ASTN1: variants seen among roughly 807,000 people sequenced by gnomAD.
ASTN1 encodes astrotactin 1, also known as astrotactin-1.
ASTN1 carries 41 observed loss-of-function variants against 140.7 expected under a neutral mutation model. The observed-to-expected ratio is 0.29, with a 90% CI of 0.23 to 0.38. The LOEUF is 0.38. ASTN1 is among the 10% of genes least tolerant of loss of function. ASTN1 has a pLI of 1.00. For missense variants in ASTN1, 1,479 were observed against 1,678.8 expected (o/e 0.88, Z 2.08); for synonymous variants, 640 against 652.2 (o/e 0.98, Z 0.29).
chr1:176,907,746 G>A (rs567320428), intron 16 of ASTN1, among the ~76,000 whole-genome samples: 1 of 152,314 alleles, frequency 6.6e-6, no homozygotes, highest in South Asian at 2.1e-4. Context: ...ACAGAACACA[G>A]GGAGGGGCAG....
Position 176,980,078 on chromosome 1 carries a change from A to T in ASTN1, c.1524-14841T>A, listed in dbSNP as rs1295984281. Among the ~76,000 whole-genome samples the T allele has an allele frequency of 3.3e-5, 5 of 152,312 alleles. No individual in the cohort carries two copies. In the East Asian group the frequency reaches 5.8e-4, roughly 18 times the overall value. On this transcript the variant is annotated intron_variant, in intron 8 of 22. Coordinates refer to ENST00000361833, the MANE Select transcript of ASTN1 (RefSeq NM_004319.3). Reference sequence around the variant, plus strand: ...GGATCACTTGACATTTGAATAAGGGATAGAGGATGTGTAGGTATGACCATA... The same window carrying T: ...GGATCACTTGACATTTGAATAAGGGTTAGAGGATGTGTAGGTATGACCATA...
intron 15 of ASTN1, among the ~76,000 whole-genome samples, chr1:176,935,227 T>C (rs892018265): frequency 6.6e-6 from 1 of 152,210 alleles, no homozygotes; most frequent in Non-Finnish European, 1.5e-5. Flanking sequence ...AGACCTCAGG[T>C]GCTGAGATCC....
rs1670845721 is a variant in ASTN1 at position 176,923,881 on chromosome 1, G to C, written c.2671+10271C>G. Among the ~76,000 whole-genome samples, 3 of 152,178 alleles carry C rather than the reference G, an allele frequency of 2.0e-5. No homozygotes were observed. In the South Asian group the frequency reaches 6.2e-4, roughly 32 times the overall value. On this transcript the variant is annotated intron_variant, in intron 16 of 22. Transcript: ENST00000361833. ...AGTTCAGATTCTCACATCTGATGTA[G>C]AATCTTCCCTTCCCTTATCCTTTAT...
At chr1:176,969,291 T>C (rs1407321814) in intron 8 of ASTN1, among the ~76,000 whole-genome samples, 1 of 152,196 alleles carries the variant, frequency 6.6e-6, no homozygotes, top group East Asian at 1.9e-4. Context: ...TCTCAGACTA[T>C]GGACTTCATT....
At chr1:177,021,493 T>G (rs1363576991) in intron 7 of ASTN1, among the ~76,000 whole-genome samples, 1 of 152,210 alleles carries the variant, frequency 6.6e-6, no homozygotes, top group African/African-American at 2.4e-5. Flanking sequence ...CTGACATGTC[T>G]GGGGAAATTA....
chr1:176,968,495 C>T (rs1672983278), intron 8 of ASTN1, among the ~76,000 whole-genome samples: 1 of 152,198 alleles, frequency 6.6e-6, no homozygotes, highest in African/African-American at 2.4e-5. Flanking sequence ...ACTTCCCACC[C>T]AGTGGTCACT....
At position 176,936,404 on chromosome 1, in the gene ASTN1, T is replaced by C. The variant is rs1446854410; in HGVS notation, c.2378-34A>G. 3.9e-6 allele frequency: 6 copies of C among 1,543,024 alleles called. No individual in the cohort carries two copies. The East Asian group carries it at 9.0e-5, about 23-fold the overall frequency. On this transcript the variant is annotated intron_variant, in intron 14 of 22. Transcript: ENST00000361833. ...AGAAGAGATGTAAGCTGAGTTCTGATACTGATTCATAAGTTCCAAATCAAA... is the reference window on the plus strand; with the variant it reads ...AGAAGAGATGTAAGCTGAGTTCTGACACTGATTCATAAGTTCCAAATCAAA...
chr1:177,128,377 G>A (rs1025349599), intron 1 of ASTN1, among the ~76,000 whole-genome samples: 2 of 152,116 alleles, frequency 1.3e-5, no homozygotes, highest in African/African-American at 4.8e-5. Flanking sequence ...TTGCTTAATT[G>A]AATCAAAATT....
At chr1:177,131,858 G>A (rs1166515087) in intron 1 of ASTN1, among the ~76,000 whole-genome samples, 10 of 152,148 alleles carry the variant, frequency 6.6e-5, no homozygotes, top group Admixed American at 6.5e-4. Flanking sequence ...CGGTGAGAGA[G>A]GAAGCCAGGG....
intron 1 of ASTN1, among the ~76,000 whole-genome samples, chr1:177,132,040 A>G (rs1681968457): frequency 6.6e-6 from 1 of 152,182 alleles, no homozygotes; most frequent in African/African-American, 2.4e-5. Context: ...AAATTTCAGC[A>G]TGAGGTTTGG....
At chr1:177,015,200 C>T (rs1161298383) in intron 7 of ASTN1, among the ~76,000 whole-genome samples, 3 of 152,268 alleles carry the variant, frequency 2.0e-5, no homozygotes, top group African/African-American at 4.8e-5. Context: ...TTTATTTTCT[C>T]AATGCCCAGT....
At chr1:176,923,705 T>C (rs2103076798) in intron 16 of ASTN1, among the ~76,000 whole-genome samples, 1 of 152,244 alleles carries the variant, frequency 6.6e-6, no homozygotes, top group Non-Finnish European at 1.5e-5. Context: ...AAACCTAGTA[T>C]ATGTAGGGTT....
At chr1:177,035,007 T>C (rs1676645989) in intron 2 of ASTN1, among the ~76,000 whole-genome samples, 1 of 152,218 alleles carries the variant, frequency 6.6e-6, no homozygotes, top group Non-Finnish European at 1.5e-5. Context: ...AGGGTTATGA[T>C]GAGGTCTGAG....
Position 177,007,024 on chromosome 1 carries a change from G to A in ASTN1, c.1523+7767C>T, listed in dbSNP as rs563117453. Among the ~76,000 whole-genome samples, 11 of 152,176 alleles carry A rather than the reference G, an allele frequency of 7.2e-5. 1 individual carries two copies. In the South Asian group the frequency reaches 2.3e-3, roughly 32 times the overall value. ...AACTGACTTGTCTCCAACACCCAGC[G>A]GTTACTATGAAGCTTGACTACCAGC... On this transcript the variant is annotated intron_variant, in intron 8 of 22. Transcript: ENST00000361833.
chr1:176,977,066 A>T (rs1340165850), intron 8 of ASTN1, among the ~76,000 whole-genome samples: 1 of 152,266 alleles, frequency 6.6e-6, no homozygotes, highest in Non-Finnish European at 1.5e-5. Flanking sequence ...GACAGTGAAT[A>T]ATAAGGGACA....
chr1:177,095,302 G>A (rs116009724), intron 1 of ASTN1, among the ~76,000 whole-genome samples: 27 of 152,292 alleles, frequency 1.8e-4, no homozygotes, highest in African/African-American at 5.8e-4. Context: ...GTGTAGCTAA[G>A]CAACCTTTTC....
At chr1:177,133,424 G>A (rs1342554105) in intron 1 of ASTN1, among the ~76,000 whole-genome samples, 1 of 152,136 alleles carries the variant, frequency 6.6e-6, no homozygotes, top group Non-Finnish European at 1.5e-5. Flanking sequence ...ATTCTCCTCT[G>A]TATCAAAAAC....
rs1647595975 is a variant in ASTN1 at position 177,164,510 on chromosome 1, A to G, written c.167T>C (p.Met56Thr). 2 of 1,613,548 alleles carry G rather than the reference A, an allele frequency of 1.2e-6. No homozygotes were observed. Among genetic ancestry groups the G allele is most frequent in the Non-Finnish European group, 8.5e-7 (1 of 1,179,898 alleles). Reference protein sequence around the residue: ...PFLRENDLSIMHSPSASEPKL... With the variant: ...PFLRENDLSITHSPSASEPKL... ...GGGCTCCGAGGCCGAGGGGCTGTGC[A>G]TGATGCTCAGGTCGTTCTCGCGCAG... is the stretch of plus-strand genomic sequence containing the variant. The change falls in exon 1 of 23, where the codon ATG becomes ACG. Residue 56 changes from methionine (M) to threonine (T), a missense_variant. Physicochemically the swap from Met to Thr is moderately conservative, Grantham distance 81. Around this residue, in one of 3 missense-constraint regions of ASTN1, gnomAD observed 729 missense variants for 860.4 expected, o/e 0.85. Coordinates refer to ENST00000361833, the MANE Select transcript of ASTN1 (RefSeq NM_004319.3).
chr1:176,927,285 G>A (rs1472285348), intron 16 of ASTN1, among the ~76,000 whole-genome samples: 1 of 152,138 alleles, frequency 6.6e-6, no homozygotes, highest in Non-Finnish European at 1.5e-5. Flanking sequence ...GAAAGGAAGA[G>A]CTTGCTTATT....
Sources: allele counts gnomAD v4.1 joint callset (sites outside exome capture counted in the v4.1 genomes callset), GRCh38; gene constraint gnomAD v4.1.1; regional missense constraint gnomAD v4.1.1; transcripts MANE v1.5; gene names NCBI Gene and HGNC (gene_info 2026-07-23, HGNC 2026-07-21).